INPP5E: variants seen among roughly 807,000 people sequenced by gnomAD.
INPP5E encodes phosphatidylinositol polyphosphate 5-phosphatase type IV.
Under a neutral mutation model 50.5 loss-of-function variants are expected in INPP5E, and 34 were observed. That is an observed-to-expected ratio of 0.67 (90% CI 0.51 to 0.90). The LOEUF is 0.90. Among genes scored for constraint, INPP5E ranks in the 40% least tolerant of loss-of-function variants. INPP5E has a pLI of 0.00. For synonymous variants in INPP5E, 447 were observed against 406.0 expected (o/e 1.10, Z -1.21); for missense variants, 942 against 905.5 (o/e 1.04, Z -0.52).
Position 136,434,734 on chromosome 9 carries a change from A to G in INPP5E, c.936+6T>C, listed in dbSNP as rs777085149. 2 of 1,373,968 alleles carry G rather than the reference A, an allele frequency of 1.5e-6. No homozygotes were observed. The highest frequency in any genetic ancestry group is 2.0e-6 in the Non-Finnish European group (2 of 1,023,518). 85.1% of individuals were successfully genotyped at this position (1,373,968 alleles called of 1,614,324 possible). A position where few individuals can be genotyped will look rare whatever the true frequency, so the allele number is the denominator to read the frequency against. On this transcript the variant is annotated splice_donor_region_variant and intron_variant, in intron 2 of 9. Coordinates refer to ENST00000371712, the MANE Select transcript of INPP5E (RefSeq NM_019892.6). ...TCCCCGCCCAGCACCACCCACAGCC[A>G]CTCACCTTCTGGCCCTGCATGTTCC...
Position 136,438,743 on chromosome 9 carries a change from A to G in INPP5E, c.677T>C (p.Leu226Pro), listed in dbSNP as rs1554794096. Residue 226 changes from leucine (L) to proline (P), a missense_variant, in exon 1 of 10, where the codon CTC becomes CCC. Leu to Pro is a moderately conservative substitution (Grantham distance 98). Transcript: ENST00000371712. ...LADYKLRAQP[L>P]LVRAHSSLGP... ...CAGGCTGCTGTGGGCCCGCACCAGG[A>G]GCGGCTGCGCGCGGAGCTTGTAGTC... The G allele has an allele frequency of 6.2e-7, 1 of 1,611,260 alleles. No homozygotes were observed. The highest frequency in any genetic ancestry group is 2.2e-5 in the East Asian group (1 of 44,826).
rs1564430195 is a variant in INPP5E, at chr9:136,429,145, C to G, written c.*530G>C. 1.0e-5 allele frequency: 2 copies of G among 197,032 alleles called. No individual in the cohort carries two copies. The highest frequency in any genetic ancestry group is 5.3e-5 in the Admixed American group (1 of 18,936). The allele number at this position is 197,032 out of a possible 1,614,324, so 12.2% of individuals were successfully genotyped here. A position where few individuals can be genotyped will look rare whatever the true frequency, so the allele number is the denominator to read the frequency against. On this transcript the variant is annotated 3_prime_UTR_variant, in exon 10 of 10. Coordinates refer to ENST00000371712, the MANE Select transcript of INPP5E (RefSeq NM_019892.6). ...GCTGTGTGGCTTCCTCAGCTGGGCT[C>G]TGGGGCCCACTCAGAGGTCTGAGGC...
chr9:136,430,332 C>G lies in INPP5E; in HGVS notation c.1747G>C (p.Asp583His). The change falls in exon 9 of 10, where the codon GAC becomes CAC. Residue 583 changes from aspartate to histidine, a missense_variant. Asp to His is a moderately conservative substitution (Grantham distance 81). Coordinates refer to ENST00000371712, the MANE Select transcript of INPP5E (RefSeq NM_019892.6). The stretch of plus-strand genomic sequence containing the variant: ...AAGAGGCCATACACAGGGCGGTGGT[C>G]GGACGTCTTGATCCCGGGGCAGGAA... Reference protein sequence around the residue: ...YSSCPGIKTSDHRPVYGLFRV... With the variant: ...YSSCPGIKTSHHRPVYGLFRV... 2 of 1,552,714 alleles carry G rather than the reference C, an allele frequency of 1.3e-6. No individual in the cohort carries two copies. The highest frequency in any genetic ancestry group is 1.7e-6 in the Non-Finnish European group (2 of 1,147,398).
At chr9:136,430,508 ACAAG>A in intron 8 of INPP5E, 95 bp from the exon 9 acceptor site, 1 of 1,452,718 alleles carries the variant, frequency 6.9e-7, no homozygotes, top group Non-Finnish European at 9.4e-7. Context: ...AGCGCCCCCC[ACAAG>A]GAAGCCTTCT....
In INPP5E at chr9:136,438,904, C is replaced by A. The variant is rs372551521; in HGVS notation, c.516G>T (p.Pro172=). The change falls in exon 1 of 10, where the codon CCG becomes CCT. Residue 172 remains proline (P), a synonymous_variant. Transcript: ENST00000371712. ...TCCCCGCCACGGCGGCGTCTCTGTG[C>A]GGGAGGTTCGGGGAGCTGCTGGCCA... ...SGVASSSPNL[P]HRDAAVAGSS... 52 of 1,578,374 alleles carry A rather than the reference C, an allele frequency of 3.3e-5. 1 individual carries two copies. Among genetic ancestry groups the A allele is most frequent in the Non-Finnish European group, 4.2e-5 (49 of 1,162,582 alleles).
chr9:136,428,722 A>AT lies in INPP5E; in HGVS notation c.*952dup, dbSNP rs1689767087. ...AGATTTTCACACATTCAAAGACTAC[A>AT]TTTTTTCAAGAGATGGAATGGGACA... On this transcript the variant is annotated 3_prime_UTR_variant, in exon 10 of 10. Coordinates refer to ENST00000371712, the MANE Select transcript of INPP5E (RefSeq NM_019892.6). 1 of 152,572 alleles carries AT rather than the reference A, an allele frequency of 6.6e-6. No homozygotes were observed. The allele number at this position is 152,572 out of a possible 1,614,324, so 9.5% of individuals were successfully genotyped here. A position where few individuals can be genotyped will look rare whatever the true frequency, so the allele number is the denominator to read the frequency against.
At chr9:136,431,207 G>GCCCCCCCCCCCCCCCCCCCCC in intron 7 of INPP5E, 90 bp from the exon 8 acceptor site, 2 of 683,514 alleles carry the variant, frequency 2.9e-6, no homozygotes, top group Non-Finnish European at 4.9e-6. Context: ...CTCCCACCAC[G>GCCCCCCCCCCCCCCCCCCCCC]CCCACCCTCC....
intron 3 of INPP5E, 42 bp from the exon 4 acceptor site, chr9:136,433,321 C>T (rs1835758144): frequency 6.5e-7 from 1 of 1,544,388 alleles, no homozygotes; most frequent in Non-Finnish European, 8.7e-7. Context: ...ACATGGCCTC[C>T]CAGCTCCGCC....
chr9:136,438,563 A>G, intron 1 of INPP5E, 45 bp downstream of exon 1: 1 of 1,489,304 alleles, frequency 6.7e-7, no homozygotes, highest in African/African-American at 1.4e-5. Context: ...CCTGAACACT[A>G]CAACGAAGGC....
At chr9:136,433,310 G>T (rs757011246) in intron 3 of INPP5E, 31 bp from the exon 4 acceptor site, 2 of 1,557,644 alleles carry the variant, frequency 1.3e-6, no homozygotes, top group Non-Finnish European at 1.7e-6. Flanking sequence ...CCGGCTGGGG[G>T]ACATGGCCTC....
chr9:136,429,551 A>G lies in INPP5E; in HGVS notation c.*124T>C. The G allele has an allele frequency of 7.6e-7, 1 of 1,311,396 alleles. No homozygotes were observed. 81.2% of individuals were successfully genotyped at this position (1,311,396 alleles called of 1,614,324 possible). ...TTGGCTTCCTTCCTGGGACGCTGGC[A>G]CAGAGGCACGGTCGCCACAGTCCCT... On this transcript the variant is annotated 3_prime_UTR_variant, in exon 10 of 10. Coordinates refer to ENST00000371712, the MANE Select transcript of INPP5E (RefSeq NM_019892.6).
rs1835646578 is a variant in INPP5E, at chr9:136,429,386, G to C, written c.*289C>G. On this transcript the variant is annotated 3_prime_UTR_variant, in exon 10 of 10. Transcript: ENST00000371712. ...AACGGATTCTGACGTCTGCCCCCGA[G>C]AGTGGCTGGGGTCCGTGGTGCTGCT... 1 of 525,164 alleles carries C rather than the reference G, an allele frequency of 1.9e-6. No individual in the cohort carries two copies. The highest frequency in any genetic ancestry group is 3.5e-6 in the Non-Finnish European group (1 of 289,400). 32.5% of individuals were successfully genotyped at this position (525,164 alleles called of 1,614,324 possible).
chr9:136,437,523 G>A (rs1161850905), intron 1 of INPP5E: 2 of 152,542 alleles, frequency 1.3e-5, no homozygotes, highest in African/African-American at 2.4e-5. Context: ...AGGAGCGGGA[G>A]GCAGCGGGAG....
chr9:136,432,247 C>T (rs1835725132), intron 6 of INPP5E, among the ~76,000 whole-genome samples: 1 of 152,194 alleles, frequency 6.6e-6, no homozygotes, highest in Non-Finnish European at 1.5e-5. Flanking sequence ...GCGGGGCGGG[C>T]AGTGGCGAGG....
At chr9:136,430,503 C>T in intron 8 of INPP5E, 90 bp from the exon 9 acceptor site, 3 of 1,480,944 alleles carry the variant, frequency 2.0e-6, no homozygotes, top group Non-Finnish European at 1.8e-6. Context: ...TCTCAAGCGC[C>T]CCCCACAAGG....
rs931544953 is a variant in INPP5E, at chr9:136,432,462, A to T, written c.1387+17T>A. On this transcript the variant is annotated intron_variant, in intron 6 of 9. Coordinates refer to ENST00000371712, the MANE Select transcript of INPP5E (RefSeq NM_019892.6). The stretch of plus-strand genomic sequence containing the variant: ...AACCACGGCGGCACCACCCACACGC[A>T]GCGTGGACGCCCTCACCTGCGCTGG... 1 of 1,506,336 alleles carries T rather than the reference A, an allele frequency of 6.6e-7. No homozygotes were observed. The highest frequency in any genetic ancestry group is 2.5e-5 in the East Asian group (1 of 40,794). The allele number at this position is 1,506,336 out of a possible 1,614,324, so 93.3% of individuals were successfully genotyped here.
chr9:136,429,863 TAGGAGGGGGCCGGCCCCGG>T (rs1482079424), intron 9 of INPP5E, 56 bp from the exon 10 acceptor site: 7 of 1,224,062 alleles, frequency 5.7e-6, no homozygotes, highest in Admixed American at 3.8e-5. Flanking sequence ...GAGGGGGCGT[TAGGAGGGGGCCGGCCCCGG>T]AGGAGGGGGC....
rs979010697 is a variant in INPP5E, at chr9:136,428,777, C to G, written c.*898G>C. 3.3e-5 allele frequency: 5 copies of G among 152,436 alleles called. No homozygotes were observed. The highest frequency in any genetic ancestry group is 2.0e-4 in the Admixed American group (3 of 15,280). 9.4% of individuals were successfully genotyped at this position (152,436 alleles called of 1,614,324 possible). ...GCAAGAATGAACGGTTCTATACTCTCGAAGAAAGAAACCCGGGACATGGTG... is the reference window on the plus strand; with the variant it reads ...GCAAGAATGAACGGTTCTATACTCTGGAAGAAAGAAACCCGGGACATGGTG... On this transcript the variant is annotated 3_prime_UTR_variant, in exon 10 of 10. Coordinates refer to ENST00000371712, the MANE Select transcript of INPP5E (RefSeq NM_019892.6).
At chr9:136,432,650 C>T (rs117128150) in intron 5 of INPP5E, 64 bp from the exon 6 acceptor site, 23,931 of 1,137,098 alleles carry the variant, frequency 0.021, 430 homozygotes, top group Middle Eastern at 0.07. Context: ...CCTAAAGCGC[C>T]GCACCTCTGG....
Sources: gnomAD v4.1 joint callset for allele counts (sites outside exome capture counted in the v4.1 genomes callset) on GRCh38, gnomAD v4.1.1 for gene constraint, MANE v1.5 for transcripts, NCBI Gene and HGNC (gene_info 2026-07-23, HGNC 2026-07-21) for gene names.